Variants in CACNA1S observed in about 807,000 individuals in gnomAD.
CACNA1S encodes calcium voltage-gated channel subunit alpha1 S.
In CACNA1S, 126 loss-of-function variants were observed where a neutral mutation model predicts 207.4. The ratio of observed to expected loss-of-function variants is 0.61; its 90% CI spans 0.53 to 0.70. The LOEUF (loss-of-function observed/expected upper bound fraction) is 0.70. Among genes scored for constraint, CACNA1S ranks in the 30% least tolerant of loss-of-function variants. The pLI is 0.00. For missense variants in CACNA1S, 2,349 were observed against 2,422.8 expected (o/e 0.97, Z 0.64); for synonymous variants, 960 against 932.7 (o/e 1.03, Z -0.53).
At chr1:201,056,148 G>A (rs144315481) in intron 28 of CACNA1S, among the ~76,000 whole-genome samples, 3 of 150,914 alleles carry the variant, frequency 2.0e-5, no homozygotes, top group South Asian at 2.1e-4. Context: ...CTAGCTCAGC[G>A]CCCCCAGGGG....
intron 2 of CACNA1S, among the ~76,000 whole-genome samples, chr1:201,102,489 A>T (rs1662714043): frequency 1.3e-5 from 2 of 152,078 alleles, no homozygotes; most frequent in African/African-American, 4.8e-5. Flanking sequence ...GGCCCGACAT[A>T]TTTCCATCAG....
chr1:201,048,474 T>G lies in CACNA1S; in HGVS notation c.4441+108A>C, dbSNP rs7535428. On this transcript the variant is annotated intron_variant, in intron 36 of 43. Coordinates refer to ENST00000362061, the MANE Select transcript of CACNA1S (RefSeq NM_000069.3). ...TGGCCTGGGGTCCTCCCTCTACTTC[T>G]TCCCACAGTTCTTAAGAGCAATCTT... The G allele has an allele frequency of 0.062, 60,473 of 969,712 alleles. 3,493 individuals carry two copies. Among genetic ancestry groups the G allele is most frequent in the African/African-American group, 0.26 (16,551 of 62,668 alleles). 60.1% of individuals were successfully genotyped at this position (969,712 alleles called of 1,614,324 possible).
intron 19 of CACNA1S, among the ~76,000 whole-genome samples, chr1:201,068,859 A>T (rs1010567239): frequency 1.3e-5 from 2 of 152,132 alleles, no homozygotes; most frequent in Non-Finnish European, 2.9e-5. Context: ...TGACAGAGTG[A>T]GACGACATCT....
intron 40 of CACNA1S, among the ~76,000 whole-genome samples, chr1:201,042,270 G>A (rs1389348291): frequency 1.3e-5 from 2 of 152,218 alleles, no homozygotes; most frequent in African/African-American, 4.8e-5. Flanking sequence ...GAGTAGCTGA[G>A]ATTTCAGGCA....
rs1662254246 is a variant in CACNA1S, at chr1:201,092,048, T to C, written c.465A>G (p.Lys155=). The change falls in exon 4 of 44, where the codon AAA becomes AAG. Residue 155 remains lysine (K), a synonymous_variant. Coordinates refer to ENST00000362061, the MANE Select transcript of CACNA1S (RefSeq NM_000069.3). ...GGGCCTTGACATCCAAGCCGGCTCC[T>C]TTGCTGCTCATTGGGGCTGTGTGGC... ...IQSHTAPMSS[K]GAGLDVKALR... 10 of 1,614,068 alleles carry C rather than the reference T, an allele frequency of 6.2e-6. No homozygotes were observed. The East Asian group carries it at 2.2e-4, about 36-fold the overall frequency.
chr1:201,098,089 A>G (rs1662503809), intron 2 of CACNA1S, among the ~76,000 whole-genome samples: 1 of 152,198 alleles, frequency 6.6e-6, no homozygotes, highest in Non-Finnish European at 1.5e-5. Context: ...CTCGCTATAT[A>G]TTTGTTAATT....
intron 13 of CACNA1S, among the ~76,000 whole-genome samples, chr1:201,075,157 G>A (rs1446717618): frequency 6.6e-6 from 1 of 152,202 alleles, no homozygotes; most frequent in Non-Finnish European, 1.5e-5. Flanking sequence ...GCCTGCCTCT[G>A]AACCTTTGGA....
intron 7 of CACNA1S, 137 bp downstream of exon 7, chr1:201,087,689 C>T (rs1479087504): frequency 1.5e-6 from 1 of 683,322 alleles, no homozygotes. Context: ...CTCCTTCCTC[C>T]TCCTCCCTTC....
At chr1:201,069,354 G>T in intron 18 of CACNA1S, 118 bp downstream of exon 18, 1 of 1,499,656 alleles carries the variant, frequency 6.7e-7, no homozygotes, top group South Asian at 1.2e-5. Context: ...CTGAGGAACT[G>T]AACTCTAAGA....
chr1:201,077,149 G>A lies in CACNA1S; in HGVS notation c.1620-22C>T, dbSNP rs114955939. 139 of 1,607,474 alleles carry A rather than the reference G, an allele frequency of 8.6e-5. No individual in the cohort carries two copies. In the African/African-American group the frequency reaches 1.7e-3, roughly 20 times the overall value. On this transcript the variant is annotated intron_variant, in intron 11 of 43. Transcript: ENST00000362061. ...ATATCTGAAGGAAGAGGAGGCACAA[G>A]GTGGGAGGAGACAGACCCTCTCACT... is the stretch of plus-strand genomic sequence containing the variant.
chr1:201,072,800 T>C lies in CACNA1S; in HGVS notation c.2182A>G (p.Asn728Asp), dbSNP rs1391820892. 1 of 1,613,858 alleles carries C rather than the reference T, an allele frequency of 6.2e-7. No individual in the cohort carries two copies. The highest frequency in any genetic ancestry group is 8.5e-7 in the Non-Finnish European group (1 of 1,179,794). Residue 728 changes from asparagine (N) to aspartate (D), a missense_variant, in exon 16 of 44, where the codon AAT becomes GAT. Physicochemically the swap from Asn to Asp is conservative, Grantham distance 23. Transcript: ENST00000362061. ...AKLKIDEFES[N>D]VNEVKDPYPS... is the part of the protein sequence containing the mutation. ...TAGGGATCCTTCACCTCATTGACAT[T>C]AGATTCAAACTCATCGATTTTCAGC... is the stretch of plus-strand genomic sequence containing the variant.
chr1:201,050,813 C>A (rs1390345525), intron 33 of CACNA1S, among the ~76,000 whole-genome samples, 171 bp downstream of exon 33: 1 of 151,960 alleles, frequency 6.6e-6, no homozygotes, highest in Non-Finnish European at 1.5e-5. Flanking sequence ...ACCCAGGAAA[C>A]AAAGCCACAC....
In CACNA1S at chr1:201,061,567, C is replaced by T; in HGVS notation, c.3054-99G>A. 16 of 1,147,574 alleles carry T rather than the reference C, an allele frequency of 1.4e-5. No individual in the cohort carries two copies. In the South Asian group the frequency reaches 2.3e-4, roughly 16 times the overall value. The allele number at this position is 1,147,574 out of a possible 1,614,324, so 71.1% of individuals were successfully genotyped here. ...CTTTATCCCACTGGCTGTGGAGAGC[C>T]AAGAGAGCCTTCTCAACAATCAAGT... On this transcript the variant is annotated intron_variant, in intron 24 of 43. Transcript: ENST00000362061.
intron 5 of CACNA1S, 31 bp downstream of exon 5, chr1:201,091,609 C>A (rs765511179): frequency 6.2e-7 from 1 of 1,613,578 alleles, no homozygotes; most frequent in African/African-American, 1.3e-5. Context: ...CTAGGCCCTG[C>A]CCCACAGCCC....
chr1:201,077,560 C>T (rs981954768), intron 11 of CACNA1S, among the ~76,000 whole-genome samples: 3 of 152,318 alleles, frequency 2.0e-5, no homozygotes, highest in Admixed American at 6.5e-5. Context: ...ATTTCCACCC[C>T]TTTCCCTACA....
intron 2 of CACNA1S, among the ~76,000 whole-genome samples, chr1:201,109,083 A>G (rs1489694780): frequency 6.6e-6 from 1 of 152,172 alleles, no homozygotes; most frequent in Non-Finnish European, 1.5e-5. Flanking sequence ...CCCCATCTCA[A>G]CTAAAAATAT....
intron 2 of CACNA1S, among the ~76,000 whole-genome samples, chr1:201,094,604 G>C (rs1248217331): frequency 6.6e-6 from 1 of 152,106 alleles, no homozygotes; most frequent in African/African-American, 2.4e-5. Flanking sequence ...GGATTACTCA[G>C]AACTCCAGAT....
intron 2 of CACNA1S, among the ~76,000 whole-genome samples, chr1:201,105,855 T>G (rs1444358189): frequency 1.3e-5 from 2 of 152,060 alleles, no homozygotes; most frequent in Non-Finnish European, 2.9e-5. Context: ...CAGACAGCAG[T>G]CACACCCCCG....
intron 28 of CACNA1S, 105 bp from the exon 29 acceptor site, chr1:201,054,666 G>A: frequency 7.1e-6 from 5 of 707,246 alleles, no homozygotes; most frequent in Non-Finnish European, 8.9e-6. Context: ...ACACACAGAA[G>A]AGTTAAAGAG....
Sources: allele counts gnomAD v4.1 joint callset (sites outside exome capture counted in the v4.1 genomes callset), GRCh38; gene constraint gnomAD v4.1.1; transcripts MANE v1.5; gene names NCBI Gene and HGNC (gene_info 2026-07-23, HGNC 2026-07-21).